The following IL33 variants were observed in gnomAD, a reference collection of about 807,000 sequenced individuals.
The protein encoded by IL33 is interleukin-33.
In IL33, 37 loss-of-function variants were observed where a neutral mutation model predicts 27.3. That is an observed-to-expected ratio of 1.36 (90% CI 1.04 to 1.78). The LOEUF (loss-of-function observed/expected upper bound fraction) is 1.78. IL33 is among the 40% of genes most tolerant of loss of function. IL33 has a pLI of 0.00. For synonymous variants in IL33, 132 were observed against 102.9 expected (o/e 1.28, Z -1.71); for missense variants, 406 against 311.4 (o/e 1.30, Z -2.29).
At chr9:6,215,647 A>G (rs1261067104), upstream of IL33, 1 of 152,232 alleles carries the variant, frequency 6.6e-6, no homozygotes, top group African/African-American at 2.4e-5. Flanking sequence ...GGACGCAGAA[A>G]GTAGTGAGCC....
intron 2 of IL33, among the ~76,000 whole-genome samples, chr9:6,247,939 C>T (rs1352449750): frequency 6.6e-6 from 1 of 152,002 alleles, no homozygotes. Flanking sequence ...AAGACTTCCA[C>T]ATCTTCAGTA....
In IL33 at chr9:6,241,810, T is replaced by C. The variant is rs746043527; in HGVS notation, c.91+25T>C. 2.0e-6 allele frequency: 3 copies of C among 1,474,804 alleles called. No homozygotes were observed. In the Admixed American group the frequency reaches 5.3e-5, roughly 26 times the overall value. The allele number at this position is 1,474,804 out of a possible 1,614,324, so 91.4% of individuals were successfully genotyped here. On this transcript the variant is annotated intron_variant, in intron 2 of 7. Coordinates refer to ENST00000682010, the MANE Select transcript of IL33 (RefSeq NM_033439.4). Reference sequence around the variant, plus strand: ...AGTAAGGACTTAAGTTATCTCTGAATGTTTTACGCACTATTTTTATCTGTT... The same window carrying C: ...AGTAAGGACTTAAGTTATCTCTGAACGTTTTACGCACTATTTTTATCTGTT...
chr9:6,250,832 G>A (rs866401088), intron 3 of IL33, among the ~76,000 whole-genome samples: 1 of 152,258 alleles, frequency 6.6e-6, no homozygotes, highest in African/African-American at 2.4e-5. Flanking sequence ...ATAACTATGT[G>A]TAAATATGTT....
At chr9:6,252,762 T>C in intron 4 of IL33, 104 bp from the exon 5 acceptor site, 2 of 1,375,504 alleles carry the variant, frequency 1.5e-6, no homozygotes, top group Non-Finnish European at 2.0e-6. Flanking sequence ...AACAGTGACA[T>C]ACAAAATGCA....
At position 6,257,189 on chromosome 9, in the gene IL33, T is replaced by C. The variant is rs1306487427; in HGVS notation, c.*1021T>C. 3 of 152,180 alleles carry C rather than the reference T, an allele frequency of 2.0e-5. No homozygotes were observed. The highest frequency in any genetic ancestry group is 2.9e-5 in the Non-Finnish European group (2 of 68,028). 9.4% of individuals were successfully genotyped at this position (152,180 alleles called of 1,614,324 possible). On this transcript the variant is annotated 3_prime_UTR_variant, in exon 8 of 8. Transcript: ENST00000682010. ...TCTGACCCTGGCTTCCAGGGACCTA[T>C]GTCTTTTAATACTCACTGTCACATT...
rs926371610 is a variant in IL33 at position 6,257,375 on chromosome 9, T to C, written c.*1207T>C. The C allele has an allele frequency of 1.3e-5, 2 of 152,608 alleles. No individual in the cohort carries two copies. Among genetic ancestry groups the C allele is most frequent in the Admixed American group, 1.3e-4 (2 of 15,286 alleles). The allele number at this position is 152,608 out of a possible 1,614,324, so 9.5% of individuals were successfully genotyped here. On this transcript the variant is annotated 3_prime_UTR_variant, in exon 8 of 8. Transcript: ENST00000682010. ...GATATATCTTTTGCACCTGCTGAACTTCATTTCTGTATCACCTGACCTCTG... is the reference window on the plus strand; with the variant it reads ...GATATATCTTTTGCACCTGCTGAACCTCATTTCTGTATCACCTGACCTCTG...
intron 2 of IL33, 83 bp downstream of exon 2, chr9:6,241,868 C>A: frequency 2.3e-6 from 2 of 880,808 alleles, no homozygotes; most frequent in South Asian, 1.8e-5. Context: ...TTTATACATG[C>A]TATCTTATCA....
intron 1 of IL33, among the ~76,000 whole-genome samples, chr9:6,228,378 T>C (rs956321865): frequency 1.1e-4 from 17 of 152,242 alleles, no homozygotes; most frequent in African/African-American, 3.6e-4. Flanking sequence ...TCATACTCCT[T>C]TGAATTTTTA....
At chr9:6,219,714 G>A (rs1390457256) in intron 1 of IL33, among the ~76,000 whole-genome samples, 1 of 152,140 alleles carries the variant, frequency 6.6e-6, no homozygotes, top group African/African-American at 2.4e-5. Context: ...GTTAGAAGCA[G>A]TCATCAAAGG....
intron 1 of IL33, among the ~76,000 whole-genome samples, chr9:6,239,190 C>A (rs1241211970): frequency 1.3e-5 from 2 of 152,166 alleles, no homozygotes; most frequent in Non-Finnish European, 2.9e-5. Flanking sequence ...TCTGTGTAAT[C>A]AGCAAATTTC....
intron 1 of IL33, among the ~76,000 whole-genome samples, chr9:6,240,320 T>A (rs746603069): frequency 1.2e-4 from 18 of 152,116 alleles, no homozygotes; most frequent in Non-Finnish European, 2.5e-4. Context: ...AAAGGTGGGA[T>A]AACTTGAAGC....
intron 1 of IL33, among the ~76,000 whole-genome samples, chr9:6,230,890 G>A (rs1390578972): frequency 6.6e-6 from 1 of 152,138 alleles, no homozygotes; most frequent in East Asian, 1.9e-4. Context: ...TCAGATTCTG[G>A]CTTTGCTACT....
At chr9:6,235,233 C>T (rs1361922845) in intron 1 of IL33, among the ~76,000 whole-genome samples, 1 of 152,050 alleles carries the variant, frequency 6.6e-6, no homozygotes, top group South Asian at 2.1e-4. Flanking sequence ...TCTGTAGAGA[C>T]AGGATCTCTT....
At chr9:6,216,759 G>T (rs914604129) in intron 1 of IL33, among the ~76,000 whole-genome samples, 6 of 152,044 alleles carry the variant, frequency 3.9e-5, no homozygotes, top group African/African-American at 1.4e-4. Flanking sequence ...CAAAAAAAAT[G>T]ATGGAAACTT....
chr9:6,251,056 A>C, intron 3 of IL33, 84 bp from the exon 4 acceptor site: 1 of 1,536,318 alleles, frequency 6.5e-7, no homozygotes, highest in Non-Finnish European at 8.8e-7. Flanking sequence ...ACTCTCAGCA[A>C]GCAGCCTTAA....
At chr9:6,246,224 C>T (rs1819843781) in intron 2 of IL33, among the ~76,000 whole-genome samples, 2 of 152,042 alleles carry the variant, frequency 1.3e-5, no homozygotes, top group South Asian at 4.2e-4. Context: ...TTGAATGTCC[C>T]CTCCAAAACT....
At chr9:6,244,292 T>G (rs1239294563) in intron 2 of IL33, among the ~76,000 whole-genome samples, 2 of 152,230 alleles carry the variant, frequency 1.3e-5, no homozygotes, top group African/African-American at 4.8e-5. Flanking sequence ...TAATTGGCCC[T>G]TAACAGATCT....
At chr9:6,253,908 T>A (rs977925151) in intron 6 of IL33, among the ~76,000 whole-genome samples, 4 of 152,204 alleles carry the variant, frequency 2.6e-5, no homozygotes. Flanking sequence ...GGAACCCATC[T>A]CCTTCTATCT....
rs1564043462 is a variant in IL33 at position 6,218,594 on chromosome 9, G to GTA, written c.-12+2742_-12+2743insTA. Among the ~76,000 whole-genome samples the GTA allele has an allele frequency of 2.6e-4, 38 of 145,348 alleles. No homozygotes were observed. The East Asian group carries it at 5.0e-3, about 19-fold the overall frequency. ...GTCAGCATTGAGATAATATATATAT[G>GTA]CATATATATATATACACATATATAT... On this transcript the variant is annotated intron_variant, in intron 1 of 7. Coordinates refer to ENST00000682010, the MANE Select transcript of IL33 (RefSeq NM_033439.4).
Sources: allele counts gnomAD v4.1 joint callset (sites outside exome capture counted in the v4.1 genomes callset), GRCh38; gene constraint gnomAD v4.1.1; transcripts MANE v1.5; gene names NCBI Gene and HGNC (gene_info 2026-07-23, HGNC 2026-07-21).